The following LUZP2 variants were observed in gnomAD, a reference collection of about 807,000 sequenced individuals.
The protein encoded by LUZP2 is leucine zipper protein 2.
LUZP2 carries 52 observed loss-of-function variants against 51.6 expected under a neutral mutation model. The observed-to-expected ratio is 1.01, with a 90% CI of 0.81 to 1.27. LUZP2 has a LOEUF of 1.27. LUZP2 is among the 50% of genes most tolerant of loss of function. The pLI, the probability that LUZP2 is intolerant of heterozygous loss-of-function variation, is 0.00. For missense variants in LUZP2, 436 were observed against 395.4 expected (o/e 1.10, Z -0.87); for synonymous variants, 154 against 137.3 (o/e 1.12, Z -0.85).
At chr11:24,591,269 C>T (rs1853251524) in intron 1 of LUZP2, among the ~76,000 whole-genome samples, 1 of 151,544 alleles carries the variant, frequency 6.6e-6, no homozygotes, top group South Asian at 2.1e-4. Flanking sequence ...AGAGCCATGC[C>T]CTTGGGTGGG....
chr11:24,907,090 A>G (rs923564819), intron 6 of LUZP2, among the ~76,000 whole-genome samples: 4 of 152,170 alleles, frequency 2.6e-5, no homozygotes, highest in Non-Finnish European at 5.9e-5. Context: ...GTGAAGCACA[A>G]GCGTTGCTTC....
At chr11:25,078,310 G>A (rs987881031) in intron 11 of LUZP2, among the ~76,000 whole-genome samples, 1 of 152,022 alleles carries the variant, frequency 6.6e-6, no homozygotes, top group Admixed American at 6.5e-5. Flanking sequence ...GAATGGCTTG[G>A]GCAAAGTTTT....
chr11:24,526,401 T>G (rs1039031234), intron 1 of LUZP2, among the ~76,000 whole-genome samples: 8 of 151,314 alleles, frequency 5.3e-5, no homozygotes, highest in Non-Finnish European at 8.9e-5. Flanking sequence ...AGTTAATGAT[T>G]AAAGTACAGG....
intron 9 of LUZP2, among the ~76,000 whole-genome samples, chr11:25,007,612 A>G (rs1046581244): frequency 2.0e-5 from 3 of 151,940 alleles, no homozygotes; most frequent in Non-Finnish European, 4.4e-5. Context: ...CAAGAAAACA[A>G]AACAAAACAA....
At chr11:24,655,525 A>G (rs1350946190) in intron 1 of LUZP2, among the ~76,000 whole-genome samples, 2 of 152,172 alleles carry the variant, frequency 1.3e-5, no homozygotes, top group Non-Finnish European at 2.9e-5. Context: ...TAGGTACTTA[A>G]GAGGGTAGTA....
chr11:24,528,013 T>C (rs1374247496), intron 1 of LUZP2, among the ~76,000 whole-genome samples: 2 of 151,258 alleles, frequency 1.3e-5, no homozygotes, highest in African/African-American at 4.8e-5. Context: ...TAAGATGTCT[T>C]TGCAGAGGTC....
chr11:24,665,359 G>A (rs553471982), intron 1 of LUZP2, among the ~76,000 whole-genome samples: 2 of 152,228 alleles, frequency 1.3e-5, no homozygotes, highest in South Asian at 4.1e-4. Context: ...TAGGTCTGTA[G>A]GATTGCCTTG....
intron 4 of LUZP2, among the ~76,000 whole-genome samples, chr11:24,742,032 TATAA>T (rs1859195955): frequency 7.9e-6 from 1 of 126,938 alleles, no homozygotes; most frequent in African/African-American, 3.3e-5. Context: ...ATATTTTATA[TATAA>T]ATACATAAAA....
At chr11:25,051,419 A>T (rs1238018825) in intron 10 of LUZP2, among the ~76,000 whole-genome samples, 3 of 152,252 alleles carry the variant, frequency 2.0e-5, no homozygotes, top group Non-Finnish European at 2.9e-5. Flanking sequence ...CATAATGTTA[A>T]TAAGAAGTAT....
chr11:25,023,109 CT>C (rs1212303293), intron 9 of LUZP2, among the ~76,000 whole-genome samples: 4 of 151,800 alleles, frequency 2.6e-5, no homozygotes, highest in South Asian at 2.1e-4. Context: ...CTGAAATTCT[CT>C]TTTTTTTGTT....
chr11:24,813,020 G>T (rs1337986554), intron 5 of LUZP2, among the ~76,000 whole-genome samples: 1 of 152,030 alleles, frequency 6.6e-6, no homozygotes, highest in African/African-American at 2.4e-5. Flanking sequence ...TTCCCTCTTT[G>T]CTCACCACAT....
chr11:24,706,624 G>A (rs563062216), intron 1 of LUZP2, among the ~76,000 whole-genome samples: 42 of 152,094 alleles, frequency 2.8e-4, no homozygotes, highest in Non-Finnish European at 4.4e-4. Context: ...AGAATTGATG[G>A]ATAATGATGA....
intron 5 of LUZP2, among the ~76,000 whole-genome samples, chr11:24,828,275 G>T (rs1850601016): frequency 6.6e-6 from 1 of 151,890 alleles, no homozygotes; most frequent in East Asian, 1.9e-4. Flanking sequence ...TAGGGTATTT[G>T]GGTCATAACA....
At chr11:24,650,453 G>A (rs568457954) in intron 1 of LUZP2, among the ~76,000 whole-genome samples, 6 of 151,980 alleles carry the variant, frequency 3.9e-5, no homozygotes, top group African/African-American at 1.4e-4. Context: ...CTGATAAAGT[G>A]GGCAACTATT....
chr11:24,908,449 C>G lies in LUZP2; in HGVS notation c.459+2396C>G, dbSNP rs76587813. ...CATCGTCCTTGTCTTTTTATATAGACAATGTTATCATTATTAGCAACTTTA... is the reference window on the plus strand; with the variant it reads ...CATCGTCCTTGTCTTTTTATATAGAGAATGTTATCATTATTAGCAACTTTA... On this transcript the variant is annotated intron_variant, in intron 6 of 11. Coordinates refer to ENST00000336930, the MANE Select transcript of LUZP2 (RefSeq NM_001009909.4). 7.6e-3 allele frequency among the ~76,000 whole-genome samples: 1,150 copies of G among 152,242 alleles called. 13 individuals carry two copies. The highest frequency in any genetic ancestry group is 0.023 in the African/African-American group (949 of 41,546).
intron 5 of LUZP2, among the ~76,000 whole-genome samples, chr11:24,831,298 C>A (rs2716493): frequency 0.16 from 23,845 of 152,198 alleles, 2,072 homozygotes; most frequent in African/African-American, 0.22. Context: ...ATATTCAGCT[C>A]TACACTTTGT....
intron 1 of LUZP2, among the ~76,000 whole-genome samples, chr11:24,536,230 C>G (rs1423858523): frequency 6.6e-6 from 1 of 151,858 alleles, no homozygotes; most frequent in Admixed American, 6.6e-5. Context: ...GGTCAGTGAA[C>G]ACTGGCTTCA....
rs574569196 is a variant in LUZP2 at position 24,818,662 on chromosome 11, A to G, written c.396+55354A>G. Among the ~76,000 whole-genome samples the G allele has an allele frequency of 3.3e-5, 5 of 152,182 alleles. No homozygotes were observed. The South Asian group carries it at 1.0e-3, about 32-fold the overall frequency. ...TTATTTGTTTATTCAACAAATATTT[A>G]CTGTGAGATTATTATATATCATGCT... On this transcript the variant is annotated intron_variant, in intron 5 of 11. Coordinates refer to ENST00000336930, the MANE Select transcript of LUZP2 (RefSeq NM_001009909.4).
At chr11:24,918,370 A>T (rs1368871920) in intron 7 of LUZP2, among the ~76,000 whole-genome samples, 1 of 152,100 alleles carries the variant, frequency 6.6e-6, no homozygotes, top group Admixed American at 6.6e-5. Flanking sequence ...TTCCAACACT[A>T]TGTTGAATAG....
Sources: gnomAD v4.1 joint callset for allele counts (sites outside exome capture counted in the v4.1 genomes callset) on GRCh38, gnomAD v4.1.1 for gene constraint, MANE v1.5 for transcripts, NCBI Gene and HGNC (gene_info 2026-07-23, HGNC 2026-07-21) for gene names.